SLC26A11: variants seen among roughly 807,000 people sequenced by gnomAD.
SLC26A11 encodes solute carrier family 26 member 11.
In SLC26A11, 58 loss-of-function variants were observed where a neutral mutation model predicts 62.2. The observed-to-expected ratio is 0.93, with a 90% CI of 0.76 to 1.16. The LOEUF is 1.16. Ranked by LOEUF, SLC26A11 falls within the 50% of genes most tolerant of loss-of-function variation. The probability of loss-of-function intolerance (pLI) is 0.00; values close to 1 mark genes in which losing one functional copy is unlikely to be tolerated. For missense variants in SLC26A11, 790 were observed against 794.3 expected (o/e 0.99, Z 0.06); for synonymous variants, 411 against 368.9 (o/e 1.11, Z -1.31).
At position 80,222,355 on chromosome 17, in the gene SLC26A11, G is replaced by A. The variant is rs181350939; in HGVS notation, c.235-300G>A. 0.016 allele frequency: 4,300 copies of A among 270,384 alleles called. 53 individuals are homozygous for A. Among genetic ancestry groups the A allele is most frequent in the Non-Finnish European group, 0.022 (3,304 of 148,754 alleles). 16.7% of individuals were successfully genotyped at this position (270,384 alleles called of 1,614,324 possible). On this transcript the variant is annotated intron_variant, in intron 3 of 17. Coordinates refer to ENST00000361193, the MANE Select transcript of SLC26A11 (RefSeq NM_001166347.2). The surrounding 1 kb of genome is among the most constrained non-coding windows in gnomAD (Gnocchi z 4.7). Reference sequence around the variant, plus strand: ...TGTGCCACTGCCCTCCAGCCTGGGCGACAGAGCGAGACTCCATCTCAAAAA... The same window carrying A: ...TGTGCCACTGCCCTCCAGCCTGGGCAACAGAGCGAGACTCCATCTCAAAAA...
intron 10 of SLC26A11, among the ~76,000 whole-genome samples, chr17:80,244,480 T>C (rs952111357): frequency 2.6e-5 from 4 of 152,092 alleles, no homozygotes; most frequent in Non-Finnish European, 2.9e-5. Flanking sequence ...GGTGAGATGC[T>C]CCCCTCTGTT....
intron 17 of SLC26A11, among the ~76,000 whole-genome samples, chr17:80,251,895 G>A (rs1342580398): frequency 4.6e-5 from 7 of 152,084 alleles, no homozygotes; most frequent in East Asian, 1.9e-4. Flanking sequence ...GCGGTTTTAC[G>A]TAAATGGGAC....
Position 80,228,058 on chromosome 17 carries a change from T to C in SLC26A11, c.736+98T>C. ...ACCCTAGGGATTCTCACGTCATTGG[T>C]CTGGGTGTCACTTGAGCATTGGGAC... On this transcript the variant is annotated intron_variant, in intron 7 of 17. Coordinates refer to ENST00000361193, the MANE Select transcript of SLC26A11 (RefSeq NM_001166347.2). The surrounding 1 kb of genome is among the most constrained non-coding windows in gnomAD (Gnocchi z 4.1). The C allele has an allele frequency of 3.6e-6, 4 of 1,122,200 alleles. No individual in the cohort carries two copies. Among genetic ancestry groups the C allele is most frequent in the Non-Finnish European group, 5.1e-6 (4 of 785,724 alleles). The allele number at this position is 1,122,200 out of a possible 1,614,324, so 69.5% of individuals were successfully genotyped here.
At chr17:80,229,497 T>C (rs542054487) in intron 7 of SLC26A11, among the ~76,000 whole-genome samples, 6 of 152,094 alleles carry the variant, frequency 3.9e-5, no homozygotes, top group Non-Finnish European at 7.4e-5. Flanking sequence ...ACTGGCGTGA[T>C]CTTGGCTCAC....
chr17:80,241,944 G>A (rs2042876476), intron 10 of SLC26A11, 123 bp downstream of exon 10: 1 of 1,107,268 alleles, frequency 9.0e-7, no homozygotes, highest in Non-Finnish European at 1.4e-6. Flanking sequence ...GGAGGGCAAA[G>A]GTGGCCCCAG....
rs1468206422 is a variant in SLC26A11, at chr17:80,252,189, C to T, written c.1730-436C>T. ...GCCACACAGCAGTGGCCAGAGGGTCCCAGGCCCCAGTGCTAGGCCTCTTCC... is the reference window on the plus strand; with the variant it reads ...GCCACACAGCAGTGGCCAGAGGGTCTCAGGCCCCAGTGCTAGGCCTCTTCC... On this transcript the variant is annotated intron_variant, in intron 17 of 17. Transcript: ENST00000361193. This position sits in a 1 kb window ranked among gnomAD's most constrained non-coding sequence, Gnocchi z 5.2. 2.0e-5 allele frequency among the ~76,000 whole-genome samples: 3 copies of T among 152,156 alleles called. No homozygotes were observed. The highest frequency in any genetic ancestry group is 2.9e-5 in the Non-Finnish European group (2 of 68,028).
chr17:80,229,705 T>G (rs1308735216), intron 7 of SLC26A11, among the ~76,000 whole-genome samples: 1 of 152,140 alleles, frequency 6.6e-6, no homozygotes, highest in East Asian at 1.9e-4. Flanking sequence ...GCTGAGATTA[T>G]AGGCGTGAGC....
rs1365438310 is a variant in SLC26A11, at chr17:80,228,522, C to A, written c.736+562C>A. Among the ~76,000 whole-genome samples, 1 of 152,182 alleles carries A rather than the reference C, an allele frequency of 6.6e-6. No individual in the cohort carries two copies. The highest frequency in any genetic ancestry group is 1.5e-5 in the Non-Finnish European group (1 of 68,042). ...GAACTGATGCATGGCCAGCTGTGGC[C>A]GTTCTCAACCTGAAGCAGTTTTGCC... On this transcript the variant is annotated intron_variant, in intron 7 of 17. Coordinates refer to ENST00000361193, the MANE Select transcript of SLC26A11 (RefSeq NM_001166347.2). The surrounding 1 kb of genome is among the most constrained non-coding windows in gnomAD (Gnocchi z 4.1).
In SLC26A11 at chr17:80,241,793, C is replaced by T. The variant is rs202056882; in HGVS notation, c.1008C>T (p.Ile336=). Residue 336 remains isoleucine, a synonymous_variant, in exon 10 of 18, where the codon ATC becomes ATT. Coordinates refer to ENST00000361193, the MANE Select transcript of SLC26A11 (RefSeq NM_001166347.2). Reference sequence around the variant, plus strand: ...TAGCATCTCAGAATAATTACCGCATCGATGCCAACCAGGAGCTGCTGGCCA... The same window carrying T: ...TAGCATCTCAGAATAATTACCGCATTGATGCCAACCAGGAGCTGCTGGCCA... ...KAFASQNNYR[I]DANQELLAIG... is the part of the protein sequence containing the mutation. 5.0e-6 allele frequency: 8 copies of T among 1,614,172 alleles called. No homozygotes were observed. In the Admixed American group the frequency reaches 5.0e-5, roughly 10 times the overall value.
At chr17:80,248,079 T>A (rs2043055058) in intron 13 of SLC26A11, 51 bp from the exon 14 acceptor site, 1 of 1,546,518 alleles carries the variant, frequency 6.5e-7, no homozygotes. Context: ...CAGGGCCATG[T>A]TGGGGCCTCG....
At chr17:80,241,468 C>G (rs1239777789) in intron 9 of SLC26A11, among the ~76,000 whole-genome samples, 1 of 152,146 alleles carries the variant, frequency 6.6e-6, no homozygotes, top group Non-Finnish European at 1.5e-5. Context: ...CCATGTTGCC[C>G]AGGCTGGTCT....
intron 6 of SLC26A11, 96 bp downstream of exon 6, chr17:80,226,012 G>A (rs1344696161): frequency 2.7e-6 from 3 of 1,120,898 alleles, no homozygotes; most frequent in East Asian, 2.4e-5. Context: ...CCTGGTGACT[G>A]CTCAAACAGG....
intron 13 of SLC26A11, among the ~76,000 whole-genome samples, chr17:80,247,607 T>C (rs1013094478): frequency 2.6e-5 from 4 of 152,226 alleles, no homozygotes; most frequent in Non-Finnish European, 5.9e-5. Context: ...CCAGGGCCTT[T>C]CGCGTGCCAG....
rs923510681 is a variant in SLC26A11, at chr17:80,225,917, G to A, written c.593+1G>A. 17 of 1,613,654 alleles carry A rather than the reference G, an allele frequency of 1.1e-5. No individual in the cohort carries two copies. Among genetic ancestry groups the A allele is most frequent in the Non-Finnish European group, 1.4e-5 (17 of 1,179,796 alleles). On this transcript the variant is annotated splice_donor_variant, in intron 6 of 17. Transcript: ENST00000361193. LOFTEE classifies it high-confidence loss of function. ...CCTTCCTCAGGATTGCAGAGACCAG[G>A]TACCCCGGGCTTTGTTCCTCCCTCC... is the stretch of plus-strand genomic sequence containing the variant.
chr17:80,245,092 T>C, intron 10 of SLC26A11, 104 bp from the exon 11 acceptor site: 1 of 1,025,214 alleles, frequency 9.8e-7, no homozygotes. Flanking sequence ...TCCCGAGCCC[T>C]GCCTTCCTGC....
chr17:80,222,334 C>A lies in SLC26A11; in HGVS notation c.235-321C>A. 4.0e-6 allele frequency: 1 copy of A among 251,862 alleles called. No homozygotes were observed. The highest frequency in any genetic ancestry group is 5.2e-5 in the Admixed American group (1 of 19,088). 15.6% of individuals were successfully genotyped at this position (251,862 alleles called of 1,614,324 possible). ...GAGCTTGCAGTGAGCCGAGACTGTGCCACTGCCCTCCAGCCTGGGCGACAG... is the reference window on the plus strand; with the variant it reads ...GAGCTTGCAGTGAGCCGAGACTGTGACACTGCCCTCCAGCCTGGGCGACAG... On this transcript the variant is annotated intron_variant, in intron 3 of 17. Transcript: ENST00000361193. The surrounding 1 kb of genome is among the most constrained non-coding windows in gnomAD (Gnocchi z 4.7).
rs938398822 is a variant in SLC26A11, at chr17:80,246,824, A to G, written c.1294+175A>G. Among the ~76,000 whole-genome samples, 2 of 152,166 alleles carry G rather than the reference A, an allele frequency of 1.3e-5. No individual in the cohort carries two copies. Among genetic ancestry groups the G allele is most frequent in the African/African-American group, 4.8e-5 (2 of 41,434 alleles). Reference sequence around the variant, plus strand: ...GGAGATGGCCCCAGAGATGGTCCCGAGGCTCAGTGGGAAGAGCTGGAGCTC... The same window carrying G: ...GGAGATGGCCCCAGAGATGGTCCCGGGGCTCAGTGGGAAGAGCTGGAGCTC... On this transcript the variant is annotated intron_variant, in intron 13 of 17. Transcript: ENST00000361193. The surrounding 1 kb of genome is among the most constrained non-coding windows in gnomAD (Gnocchi z 4.4).
At chr17:80,240,332 A>G (rs757020195) in intron 9 of SLC26A11, among the ~76,000 whole-genome samples, 263 of 151,578 alleles carry the variant, frequency 1.7e-3, no homozygotes, top group Middle Eastern at 6.8e-3. Flanking sequence ...GCGCCACTGT[A>G]CTCCAGCCTG....
intron 9 of SLC26A11, among the ~76,000 whole-genome samples, chr17:80,241,134 T>C (rs2042848512): frequency 6.6e-6 from 1 of 152,224 alleles, no homozygotes; most frequent in African/African-American, 2.4e-5. Context: ...TTAATTTAAT[T>C]GGTAATAATG....
Sources: gnomAD v4.1 joint callset for allele counts (sites outside exome capture counted in the v4.1 genomes callset) on GRCh38, gnomAD v4.1.1 for gene constraint, Gnocchi (gnomAD v3.1) non-coding constraint, MANE v1.5 for transcripts, NCBI Gene and HGNC (gene_info 2026-07-23, HGNC 2026-07-21) for gene names.